IER3IP1: variants seen among roughly 807,000 people sequenced by gnomAD.
IER3IP1 encodes immediate early response 3-interacting protein 1.
A neutral mutation model predicts 12.2 loss-of-function variants in IER3IP1; 16 were observed. The observed-to-expected ratio is 1.31, with a 90% CI of 0.89 to 1.99. IER3IP1 has a LOEUF of 1.99. Among genes scored for constraint, IER3IP1 ranks in the 30% most tolerant of loss-of-function variants. The pLI, the probability that IER3IP1 is intolerant of heterozygous loss-of-function variation, is 0.00. For missense variants in IER3IP1, 95 were observed against 95.8 expected (o/e 0.99, Z 0.03); for synonymous variants, 42 against 40.0 (o/e 1.05, Z -0.19).
At chr18:47,164,748 C>T (rs2063990423) in intron 1 of IER3IP1, among the ~76,000 whole-genome samples, 1 of 151,050 alleles carries the variant, frequency 6.6e-6, no homozygotes, top group Non-Finnish European at 1.5e-5. Flanking sequence ...TGCTACTGCA[C>T]TCCAGCCTGG....
chr18:47,158,584 G>A (rs935768497), intron 1 of IER3IP1, among the ~76,000 whole-genome samples: 4 of 151,428 alleles, frequency 2.6e-5, no homozygotes, highest in Non-Finnish European at 5.9e-5. Context: ...TCAAGCGATC[G>A]ACCCACTTTG....
chr18:47,169,615 ATTT>A (rs1453924848), intron 1 of IER3IP1, among the ~76,000 whole-genome samples: 1 of 151,528 alleles, frequency 6.6e-6, no homozygotes, highest in Non-Finnish European at 1.5e-5. Flanking sequence ...TATATTTATT[ATTT>A]ATTAACTTTT....
At chr18:47,170,774 G>A (rs2064012815) in intron 1 of IER3IP1, among the ~76,000 whole-genome samples, 1 of 151,970 alleles carries the variant, frequency 6.6e-6, no homozygotes, top group Non-Finnish European at 1.5e-5. Flanking sequence ...TGTCCTAATA[G>A]CCTTGTAGTG....
chr18:47,157,638 G>A, intron 1 of IER3IP1, 101 bp from the exon 2 acceptor site: 1 of 1,012,712 alleles, frequency 9.9e-7, no homozygotes, highest in Non-Finnish European at 1.6e-6. Flanking sequence ...TAAAGACAAA[G>A]TAGAAAGTCA....
At chr18:47,166,088 AC>A (rs1341674203) in intron 1 of IER3IP1, among the ~76,000 whole-genome samples, 1 of 152,136 alleles carries the variant, frequency 6.6e-6, no homozygotes, top group East Asian at 1.9e-4. Flanking sequence ...ATCAAAATCC[AC>A]TTCATTATGT....
intron 1 of IER3IP1, among the ~76,000 whole-genome samples, chr18:47,174,488 G>T (rs2576053): frequency 0.45 from 68,872 of 151,786 alleles, 15,711 homozygotes; most frequent in Middle Eastern, 0.55. Context: ...GACCAACATG[G>T]TGAAACCCCA....
rs1375098115 is a variant in IER3IP1 at position 47,156,126 on chromosome 18, T to C, written c.*51A>G. 2 of 1,108,372 alleles carry C rather than the reference T, an allele frequency of 1.8e-6. No individual in the cohort carries two copies. The highest frequency in any genetic ancestry group is 2.8e-6 in the Non-Finnish European group (2 of 722,286). 68.7% of individuals were successfully genotyped at this position (1,108,372 alleles called of 1,614,324 possible). On this transcript the variant is annotated 3_prime_UTR_variant, in exon 3 of 3. Coordinates refer to ENST00000256433, the MANE Select transcript of IER3IP1 (RefSeq NM_016097.5). Reference sequence around the variant, plus strand: ...AATATTCCAATAATGACCAAAGTAATAACTTCTACTGGCATGTCCTCTTCT... The same window carrying C: ...AATATTCCAATAATGACCAAAGTAACAACTTCTACTGGCATGTCCTCTTCT...
intron 1 of IER3IP1, among the ~76,000 whole-genome samples, chr18:47,175,816 G>A (rs2064031080): frequency 6.6e-6 from 1 of 151,734 alleles, no homozygotes; most frequent in African/African-American, 2.4e-5. Context: ...ACTATTAAAA[G>A]TAGTCACAGG....
At chr18:47,156,493 C>T (rs1043536046) in intron 2 of IER3IP1, among the ~76,000 whole-genome samples, 2 of 152,134 alleles carry the variant, frequency 1.3e-5, no homozygotes, top group Admixed American at 6.5e-5. Context: ...TGGATAGTCC[C>T]GGTGCAACCC....
chr18:47,168,611 T>G (rs1482219522), intron 1 of IER3IP1, among the ~76,000 whole-genome samples: 1 of 152,244 alleles, frequency 6.6e-6, no homozygotes, highest in Non-Finnish European at 1.5e-5. Context: ...TCTTTTTCAT[T>G]GTTATGCAGC....
chr18:47,173,915 G>A (rs758416604), intron 1 of IER3IP1, among the ~76,000 whole-genome samples: 2 of 152,148 alleles, frequency 1.3e-5, no homozygotes, highest in Non-Finnish European at 2.9e-5. Context: ...GATCTTCTGC[G>A]TGTGCATCTG....
At chr18:47,169,216 T>G (rs1459091314) in intron 1 of IER3IP1, among the ~76,000 whole-genome samples, 7 of 152,220 alleles carry the variant, frequency 4.6e-5, no homozygotes. Context: ...ACGACTAGCT[T>G]CTTTCACTTA....
rs1255210976 is a variant in IER3IP1, at chr18:47,176,130, T to TCCGCGGCCCC, written c.91+56_91+57insGGGGCCGCGG. On this transcript the variant is annotated intron_variant, in intron 1 of 2. Transcript: ENST00000256433. ...GTCCCCTCACGCGGCCCCATTAGGT[T>TCCGCGGCCCC]ACGCGCCCCCGGGGACTCCGCCGCC... 1.2e-4 allele frequency: 174 copies of TCCGCGGCCCC among 1,432,726 alleles called. 1 individual carries two copies. Among genetic ancestry groups the TCCGCGGCCCC allele is most frequent in the Admixed American group, 5.9e-5 (3 of 51,048 alleles). 88.8% of individuals were successfully genotyped at this position (1,432,726 alleles called of 1,614,324 possible).
At chr18:47,171,531 C>T (rs2144438154) in intron 1 of IER3IP1, among the ~76,000 whole-genome samples, 1 of 152,280 alleles carries the variant, frequency 6.6e-6, no homozygotes, top group South Asian at 2.1e-4. Flanking sequence ...CATTATCTCT[C>T]TTTGTATGTT....
intron 1 of IER3IP1, among the ~76,000 whole-genome samples, chr18:47,161,295 A>G (rs1351888368): frequency 6.6e-6 from 1 of 152,252 alleles, no homozygotes; most frequent in Non-Finnish European, 1.5e-5. Context: ...CAAGTTTACA[A>G]CAGGGCTGTT....
At chr18:47,170,144 T>C (rs1034750098) in intron 1 of IER3IP1, among the ~76,000 whole-genome samples, 3 of 152,166 alleles carry the variant, frequency 2.0e-5, no homozygotes, top group Admixed American at 6.5e-5. Context: ...TTTTTTTATA[T>C]GGCTATTCAG....
At chr18:47,159,962 A>G (rs1323979190) in intron 1 of IER3IP1, among the ~76,000 whole-genome samples, 1 of 152,008 alleles carries the variant, frequency 6.6e-6, no homozygotes, top group Non-Finnish European at 1.5e-5. Flanking sequence ...TTGGGAGGCC[A>G]AGGTGGGCGG....
At chr18:47,175,727 C>T (rs1486525993) in intron 1 of IER3IP1, among the ~76,000 whole-genome samples, 2 of 152,032 alleles carry the variant, frequency 1.3e-5, no homozygotes, top group Non-Finnish European at 2.9e-5. Context: ...TGCCAAAGTG[C>T]TGGGATTACA....
At chr18:47,170,116 T>C (rs1052181102) in intron 1 of IER3IP1, among the ~76,000 whole-genome samples, 1 of 152,150 alleles carries the variant, frequency 6.6e-6, no homozygotes, top group African/African-American at 2.4e-5. Context: ...TGGTGTGAGG[T>C]AGGAGTCCAA....
Sources: gnomAD v4.1 joint callset for allele counts (sites outside exome capture counted in the v4.1 genomes callset) on GRCh38, gnomAD v4.1.1 for gene constraint, MANE v1.5 for transcripts, NCBI Gene and HGNC (gene_info 2026-07-23, HGNC 2026-07-21) for gene names.